SV2C: variants seen among roughly 807,000 people sequenced by gnomAD.
SV2C encodes solute carrier family 22 member B3.
Under a neutral mutation model 79.7 loss-of-function variants are expected in SV2C, and 49 were observed. That is an observed-to-expected ratio of 0.61 (90% CI 0.49 to 0.78). The LOEUF (loss-of-function observed/expected upper bound fraction) is 0.78, where lower values mean the gene tolerates loss of function less well. SV2C is among the 30% of genes least tolerant of loss of function. The probability of loss-of-function intolerance (pLI) is 0.00; values close to 1 mark genes in which losing one functional copy is unlikely to be tolerated. For missense variants in SV2C, 833 were observed against 912.9 expected (o/e 0.91, Z 1.13); for synonymous variants, 334 against 333.2 (o/e 1.00, Z -0.03).
intron 4 of SV2C, among the ~76,000 whole-genome samples, chr5:76,270,692 G>A (rs561850678): frequency 1.3e-5 from 2 of 152,274 alleles, no homozygotes; most frequent in South Asian, 2.1e-4. Context: ...GAGCAGATGC[G>A]AAGCCTTTTA....
intron 2 of SV2C, among the ~76,000 whole-genome samples, chr5:76,188,818 G>A (rs902566617): frequency 6.6e-6 from 1 of 152,016 alleles, no homozygotes; most frequent in African/African-American, 2.4e-5. Context: ...CAGCTGGAGA[G>A]GGACAGTGGT....
chr5:76,192,140 T>C (rs1744123736), intron 2 of SV2C, among the ~76,000 whole-genome samples: 1 of 152,190 alleles, frequency 6.6e-6, no homozygotes, highest in African/African-American at 2.4e-5. Flanking sequence ...AAGTTAAAAA[T>C]GTATTAGAAA....
chr5:75,904,248 T>A, the SV2C span, among the ~76,000 whole-genome samples: 1 of 152,118 alleles, frequency 6.6e-6, no homozygotes, highest in Non-Finnish European at 1.5e-5. Context: ...GCGAGGGTAT[T>A]TTGTTTGCTG....
the SV2C span, among the ~76,000 whole-genome samples, chr5:75,865,659 C>G: frequency 2.6e-5 from 4 of 152,114 alleles, no homozygotes; most frequent in Non-Finnish European, 4.4e-5. Context: ...GTTCAGGAGC[C>G]TAGGAAGAAA....
At chr5:76,112,498 TG>T (rs369413862) in intron 1 of SV2C, among the ~76,000 whole-genome samples, 2 of 151,948 alleles carry the variant, frequency 1.3e-5, no homozygotes, top group African/African-American at 4.8e-5. Context: ...GCCAAGGGGA[TG>T]GGGGGGAGGA....
At chr5:75,985,256 C>T in the SV2C span, among the ~76,000 whole-genome samples, 2 of 152,004 alleles carry the variant, frequency 1.3e-5, no homozygotes, top group South Asian at 4.2e-4. Context: ...TGAAAATTCA[C>T]TCACCCGAGA....
the SV2C span, among the ~76,000 whole-genome samples, chr5:75,979,298 G>A: frequency 0.014 from 2,135 of 151,870 alleles, 32 homozygotes; most frequent in Non-Finnish European, 0.019. Flanking sequence ...CTTTAACACC[G>A]CACTGTCAAT....
chr5:76,142,671 T>C (rs550568174), intron 2 of SV2C, among the ~76,000 whole-genome samples: 59 of 152,348 alleles, frequency 3.9e-4, no homozygotes, highest in African/African-American at 1.3e-3. Flanking sequence ...TTGGGACATT[T>C]AGTTGGCATG....
intron 1 of SV2C, among the ~76,000 whole-genome samples, chr5:76,097,226 G>A (rs1747596436): frequency 6.6e-6 from 1 of 152,118 alleles, no homozygotes; most frequent in African/African-American, 2.4e-5. Context: ...AATAATTTAA[G>A]CCTAGAATTG....
chr5:76,013,419 G>A, the SV2C span, among the ~76,000 whole-genome samples: 1 of 152,080 alleles, frequency 6.6e-6, no homozygotes, highest in Non-Finnish European at 1.5e-5. Context: ...TCTATTATTG[G>A]TGTATAAGAA....
the SV2C span, among the ~76,000 whole-genome samples, chr5:76,010,708 G>A: frequency 2.6e-5 from 4 of 152,156 alleles, no homozygotes; most frequent in South Asian, 2.1e-4. Context: ...ATTTTCTCTG[G>A]CATGACACAA....
chr5:76,250,911 C>A, intron 4 of SV2C, among the ~76,000 whole-genome samples: 1 of 152,066 alleles, frequency 6.6e-6, no homozygotes. Context: ...GAAGGGCAGC[C>A]ATCAGCTGTG....
the SV2C span, chr5:75,911,273 C>T: frequency 6.8e-7 from 1 of 1,460,442 alleles, no homozygotes; most frequent in Admixed American, 1.7e-5. Context: ...AGCTCCCCAG[C>T]TCCATCACCA....
the SV2C span, among the ~76,000 whole-genome samples, chr5:75,918,717 C>A: frequency 6.6e-6 from 1 of 152,324 alleles, no homozygotes; most frequent in East Asian, 1.9e-4. Context: ...ATTTTGGGAG[C>A]TTGTGGTAGA....
the SV2C span, among the ~76,000 whole-genome samples, chr5:75,888,224 C>T: frequency 1.3e-5 from 2 of 151,778 alleles, no homozygotes; most frequent in African/African-American, 4.8e-5. Flanking sequence ...TAGTCCGCTG[C>T]AACCAGGTGG....
At chr5:76,152,828 A>G (rs1003812390) in intron 2 of SV2C, among the ~76,000 whole-genome samples, 10 of 152,322 alleles carry the variant, frequency 6.6e-5, no homozygotes, top group Non-Finnish European at 1.3e-4. Context: ...GTAGGGATGT[A>G]GGCAGTTATG....
At chr5:76,185,779 G>C (rs1743896766) in intron 2 of SV2C, among the ~76,000 whole-genome samples, 4 of 152,216 alleles carry the variant, frequency 2.6e-5, no homozygotes, top group Admixed American at 2.6e-4. Context: ...ACATGTCCTG[G>C]AGACATTTTC....
the SV2C span, among the ~76,000 whole-genome samples, chr5:75,948,760 G>A: frequency 1.3e-5 from 2 of 152,000 alleles, no homozygotes; most frequent in Non-Finnish European, 2.9e-5. Flanking sequence ...TAGCAAGAAA[G>A]CTGGTATAAT....
At chr5:75,973,520 GA>G in the SV2C span, among the ~76,000 whole-genome samples, 1 of 150,394 alleles carries the variant, frequency 6.6e-6, no homozygotes, top group Non-Finnish European at 1.5e-5. Context: ...AAAAGAAAAA[GA>G]AAAAAAAGTA....
Sources: allele counts gnomAD v4.1 joint callset (sites outside exome capture counted in the v4.1 genomes callset), GRCh38; gene constraint gnomAD v4.1.1; transcripts MANE v1.5; gene names NCBI Gene and HGNC (gene_info 2026-07-23, HGNC 2026-07-21).